The following CTNNA2 variants were observed in gnomAD, a reference collection of about 807,000 sequenced individuals.
CTNNA2 encodes the protein catenin alpha-2.
CTNNA2 carries 42 observed loss-of-function variants against 101.0 expected under a neutral mutation model. The ratio of observed to expected loss-of-function variants is 0.42; its 90% CI spans 0.32 to 0.54. The LOEUF is 0.54. CTNNA2 is among the 20% of genes least tolerant of loss of function. The pLI is 0.14. For synonymous variants in CTNNA2, 450 were observed against 456.4 expected (o/e 0.99, Z 0.18); for missense variants, 871 against 1,223.1 (o/e 0.71, Z 4.29).
intron 5 of CTNNA2, among the ~76,000 whole-genome samples, chr2:79,870,691 C>T (rs1682519983): frequency 6.6e-6 from 1 of 152,114 alleles, no homozygotes; most frequent in African/African-American, 2.4e-5. Context: ...AACTTACAAT[C>T]ATGGTGGAAG....
At chr2:79,485,785 T>A (rs1245961685) in intron 4 of CTNNA2, among the ~76,000 whole-genome samples, 1 of 152,230 alleles carries the variant, frequency 6.6e-6, no homozygotes, top group Non-Finnish European at 1.5e-5. Flanking sequence ...TATTTTAGAT[T>A]CATAGATCTC....
intron 7 of CTNNA2, among the ~76,000 whole-genome samples, chr2:79,969,628 A>T (rs1054917214): frequency 1.3e-5 from 2 of 152,180 alleles, no homozygotes; most frequent in Admixed American, 1.3e-4. Flanking sequence ...CCACATAGAG[A>T]CAGATAGATA....
chr2:79,586,413 C>A (rs1203650007), intron 1 of CTNNA2, among the ~76,000 whole-genome samples: 24 of 152,162 alleles, frequency 1.6e-4, no homozygotes, highest in African/African-American at 5.8e-4. Context: ...CTGGCAAGTT[C>A]CCTATTCTTT....
At chr2:80,384,290 G>C (rs577328260) in intron 7 of CTNNA2, among the ~76,000 whole-genome samples, 14 of 151,886 alleles carry the variant, frequency 9.2e-5, no homozygotes, top group Admixed American at 6.6e-4. Flanking sequence ...GCACTGTTTG[G>C]CACACTACCT....
chr2:80,495,129 C>T (rs750941375), intron 9 of CTNNA2, among the ~76,000 whole-genome samples: 1 of 152,056 alleles, frequency 6.6e-6, no homozygotes, highest in Non-Finnish European at 1.5e-5. Flanking sequence ...GTTGGTTTGC[C>T]AGGATGACTT....
chr2:79,613,094 G>A (rs1678388351), intron 1 of CTNNA2, among the ~76,000 whole-genome samples: 1 of 151,276 alleles, frequency 6.6e-6, no homozygotes, highest in Non-Finnish European at 1.5e-5. Flanking sequence ...GGTAATGCTT[G>A]ACTTGGCCAC....
At chr2:79,210,815 C>T (rs185054969) in intron 2 of CTNNA2, among the ~76,000 whole-genome samples, 103 of 152,214 alleles carry the variant, frequency 6.8e-4, no homozygotes, top group Admixed American at 4.8e-3. Context: ...CCAGAGATTC[C>T]GATGTGTCCC....
intron 3 of CTNNA2, among the ~76,000 whole-genome samples, chr2:79,854,141 T>G (rs577382441): frequency 2.6e-3 from 398 of 152,306 alleles, no homozygotes; most frequent in Non-Finnish European, 4.7e-3. Flanking sequence ...TTTATATATA[T>G]TCTATCTTCA....
intron 7 of CTNNA2, among the ~76,000 whole-genome samples, chr2:80,324,505 G>A (rs1469369725): frequency 2.6e-5 from 4 of 152,178 alleles, no homozygotes; most frequent in African/African-American, 9.7e-5. Flanking sequence ...TCAGCCAGCA[G>A]CTATTTATTA....
At chr2:79,797,919 T>C (rs1424855707) in intron 3 of CTNNA2, among the ~76,000 whole-genome samples, 1 of 152,136 alleles carries the variant, frequency 6.6e-6, no homozygotes, top group Non-Finnish European at 1.5e-5. Context: ...TTTTTTTATA[T>C]TTATACCAGA....
intron 2 of CTNNA2, among the ~76,000 whole-genome samples, chr2:79,260,702 A>G (rs1239610288): frequency 6.6e-6 from 1 of 152,164 alleles, no homozygotes; most frequent in South Asian, 2.1e-4. Flanking sequence ...GTTAGAGTTG[A>G]AAGTGCTGAG....
intron 3 of CTNNA2, among the ~76,000 whole-genome samples, chr2:79,772,433 T>A (rs898395913): frequency 6.6e-6 from 1 of 152,092 alleles, no homozygotes; most frequent in Admixed American, 6.6e-5. Context: ...GGCAAGATAG[T>A]GGTTTAATTC....
At chr2:79,739,246 A>G (rs892123833) in intron 2 of CTNNA2, among the ~76,000 whole-genome samples, 6 of 152,186 alleles carry the variant, frequency 3.9e-5, no homozygotes, top group African/African-American at 9.7e-5. Flanking sequence ...AAGGATTTCC[A>G]TAGAATGAAA....
At chr2:80,456,392 G>A (rs1047857132) in intron 9 of CTNNA2, among the ~76,000 whole-genome samples, 1 of 152,176 alleles carries the variant, frequency 6.6e-6, no homozygotes, top group Non-Finnish European at 1.5e-5. Context: ...GGAATCACCA[G>A]CAATACTGCA....
At chr2:79,833,453 A>G (rs1265803223) in intron 3 of CTNNA2, among the ~76,000 whole-genome samples, 2 of 152,100 alleles carry the variant, frequency 1.3e-5, no homozygotes, top group Non-Finnish European at 2.9e-5. Context: ...CTTTTCCTTG[A>G]TAGTGAAATT....
chr2:80,191,232 G>T (rs1230867628), intron 7 of CTNNA2, among the ~76,000 whole-genome samples: 2 of 152,126 alleles, frequency 1.3e-5, no homozygotes, highest in African/African-American at 2.4e-5. Context: ...AGAATAGTAG[G>T]AGATATGAAA....
intron 7 of CTNNA2, among the ~76,000 whole-genome samples, chr2:80,191,767 G>T (rs1368006783): frequency 1.3e-5 from 2 of 152,148 alleles, no homozygotes; most frequent in African/African-American, 4.8e-5. Context: ...CAACACTGCA[G>T]TGTAAATGAT....
intron 4 of CTNNA2, among the ~76,000 whole-genome samples, chr2:79,443,335 T>A (rs1392280030): frequency 6.6e-6 from 1 of 152,000 alleles, no homozygotes; most frequent in Non-Finnish European, 1.5e-5. Context: ...AGAACTGATG[T>A]CCAAGAGCAG....
chr2:80,504,930 C>A (rs1688151143), intron 9 of CTNNA2, among the ~76,000 whole-genome samples: 2 of 152,148 alleles, frequency 1.3e-5, no homozygotes, highest in African/African-American at 4.8e-5. Context: ...CATGAAGCAG[C>A]TCAGAACTTC....
Sources: allele counts gnomAD v4.1 joint callset (sites outside exome capture counted in the v4.1 genomes callset), GRCh38; gene constraint gnomAD v4.1.1; transcripts MANE v1.5; gene names NCBI Gene and HGNC (gene_info 2026-07-23, HGNC 2026-07-21).